Variants in GLDC observed in about 807,000 individuals in gnomAD.
GLDC encodes glycine dehydrogenase (decarboxylating), mitochondrial.
GLDC carries 104 observed loss-of-function variants against 121.3 expected under a neutral mutation model. The observed-to-expected ratio is 0.86, with a 90% CI of 0.73 to 1.01. The LOEUF (loss-of-function observed/expected upper bound fraction) is 1.01. Among genes scored for constraint, GLDC ranks in the 50% least tolerant of loss-of-function variants. GLDC has a pLI of 0.00. For synonymous variants in GLDC, 546 were observed against 480.6 expected (o/e 1.14, Z -1.78); for missense variants, 1,429 against 1,306.6 (o/e 1.09, Z -1.44).
chr9:6,609,073 C>G (rs1017994451), intron 4 of GLDC, among the ~76,000 whole-genome samples: 1 of 152,246 alleles, frequency 6.6e-6, no homozygotes, highest in Non-Finnish European at 1.5e-5. Context: ...GGGCTAGGAG[C>G]ACAAAACCTA....
chr9:6,538,988 A>G (rs952874972), intron 22 of GLDC, among the ~76,000 whole-genome samples: 1 of 152,092 alleles, frequency 6.6e-6, no homozygotes, highest in Non-Finnish European at 1.5e-5. Context: ...GAGAGGAGTG[A>G]GTCACACACA....
At chr9:6,606,442 G>C (rs970724743) in intron 5 of GLDC, 150 bp downstream of exon 5, 2 of 689,928 alleles carry the variant, frequency 2.9e-6, no homozygotes. Flanking sequence ...GAAAGTGAGA[G>C]GTAAGGCAAA....
rs769404917 is a variant in GLDC at position 6,556,260 on chromosome 9, A to G, written c.2095T>C (p.Tyr699His). 3 of 1,612,590 alleles carry G rather than the reference A, an allele frequency of 1.9e-6. No homozygotes were observed. The highest frequency in any genetic ancestry group is 3.3e-5 in the Admixed American group (2 of 59,996). Residue 699 changes from tyrosine to histidine, a missense_variant, in exon 18 of 25, where the codon TAC becomes CAC. Physicochemically the swap from Tyr to His is moderately conservative, Grantham distance 83 (BLOSUM62 2). Coordinates refer to ENST00000321612, the MANE Select transcript of GLDC (RefSeq NM_000170.3). Reference sequence around the variant, plus strand: ...TCAAACACCCCATTGGTGGATGGGTATGTAATCATGATAGCTGCTAGGTTC... The same window carrying G: ...TCAAACACCCCATTGGTGGATGGGTGTGTAATCATGATAGCTGCTAGGTTC... ...KENLAAIMITYPSTNGVFEEN... is the reference protein window; with the variant it reads ...KENLAAIMITHPSTNGVFEEN...
At chr9:6,606,916 T>A (rs1463367105) in intron 4 of GLDC, among the ~76,000 whole-genome samples, 2 of 151,786 alleles carry the variant, frequency 1.3e-5, no homozygotes, top group Non-Finnish European at 2.9e-5. Flanking sequence ...CTACTAAAAA[T>A]ACAAAATTAG....
At chr9:6,558,470 G>A in intron 17 of GLDC, 89 bp downstream of exon 17, 1 of 1,432,000 alleles carries the variant, frequency 7.0e-7, no homozygotes, top group South Asian at 1.1e-5. Flanking sequence ...GAATGCAAGA[G>A]AAGACATTTA....
At chr9:6,585,700 T>C (rs917201863) in intron 15 of GLDC, among the ~76,000 whole-genome samples, 1 of 152,216 alleles carries the variant, frequency 6.6e-6, no homozygotes, top group Non-Finnish European at 1.5e-5. Context: ...CTGAGGCTGC[T>C]GGTAGAGAAC....
intron 2 of GLDC, chr9:6,639,034 A>G (rs1238749500): frequency 7.0e-6 from 4 of 571,310 alleles, no homozygotes; most frequent in Non-Finnish European, 9.4e-6. Context: ...GTATATCCTC[A>G]GAGTGTCTTT....
At chr9:6,602,614 A>T (rs911772452) in intron 7 of GLDC, among the ~76,000 whole-genome samples, 3 of 152,088 alleles carry the variant, frequency 2.0e-5, no homozygotes, top group African/African-American at 7.2e-5. Context: ...TGGCCTCCCA[A>T]AGTGCTGGGA....
chr9:6,548,003 C>T (rs977085611), intron 21 of GLDC, among the ~76,000 whole-genome samples: 4 of 151,760 alleles, frequency 2.6e-5, no homozygotes, highest in Non-Finnish European at 4.4e-5. Context: ...CCAGGTGTGG[C>T]GGGTGTATGC....
chr9:6,534,916 A>AG lies in GLDC; in HGVS notation c.2839-129dup. On this transcript the variant is annotated intron_variant, in intron 23 of 24. Transcript: ENST00000321612. ...GAAAGCTGTTGTTTTCTTTCAATTTAGGGGGGTACAATGTGATTTATAATT... is the reference window on the plus strand; with the variant it reads ...GAAAGCTGTTGTTTTCTTTCAATTTAGGGGGGGTACAATGTGATTTATAATT... 7.2e-6 allele frequency: 5 copies of AG among 693,954 alleles called. No individual in the cohort carries two copies. The East Asian group carries it at 1.1e-4, about 15-fold the overall frequency. The allele number at this position is 693,954 out of a possible 1,614,324, so 43.0% of individuals were successfully genotyped here. A position where few individuals can be genotyped will look rare whatever the true frequency, so the allele number is the denominator to read the frequency against.
At chr9:6,561,573 C>A (rs148131223) in intron 16 of GLDC, among the ~76,000 whole-genome samples, 1 of 152,214 alleles carries the variant, frequency 6.6e-6, no homozygotes, top group Non-Finnish European at 1.5e-5. Flanking sequence ...CACTTGAACC[C>A]GGGAGGCGGA....
chr9:6,575,302 A>G (rs1307217768), intron 15 of GLDC, among the ~76,000 whole-genome samples: 1 of 152,046 alleles, frequency 6.6e-6, no homozygotes, highest in Non-Finnish European at 1.5e-5. Context: ...TGCAGTAGGT[A>G]GGGCATCTGT....
At chr9:6,571,172 TA>T (rs1016050870) in intron 15 of GLDC, among the ~76,000 whole-genome samples, 4 of 149,262 alleles carry the variant, frequency 2.7e-5, no homozygotes, top group South Asian at 2.1e-4. Flanking sequence ...CTACTTTTTT[TA>T]AAAAAAAAAG....
intron 2 of GLDC, among the ~76,000 whole-genome samples, chr9:6,628,275 T>A (rs1012917985): frequency 2.0e-5 from 3 of 152,188 alleles, no homozygotes; most frequent in African/African-American, 7.2e-5. Context: ...GAGAAGGTGA[T>A]TGTGCCATCC....
chr9:6,606,661 T>C lies in GLDC; in HGVS notation c.644A>G (p.Lys215Arg). The C allele has an allele frequency of 6.3e-7, 1 of 1,596,684 alleles. No individual in the cohort carries two copies. Among genetic ancestry groups the C allele is most frequent in the Non-Finnish European group, 8.6e-7 (1 of 1,164,580 alleles). Residue 215 changes from lysine to arginine, a missense_variant, in exon 5 of 25, where the codon AAG becomes AGG. By Grantham distance (26) the Lys-to-Arg change is conservative. Coordinates refer to ENST00000321612, the MANE Select transcript of GLDC (RefSeq NM_000170.3). ...GGGATCAACGAGAAATTTCCTCCTCTTGTTGTGTCTGTTGAAAAGAAAAAG... is the reference window on the plus strand; with the variant it reads ...GGGATCAACGAGAAATTTCCTCCTCCTGTTGTGTCTGTTGAAAAGAAAAAG... ...EALQLCYRHN[K>R]RRKFLVDPRC...
At chr9:6,553,641 G>T in intron 19 of GLDC, 132 bp from the exon 20 acceptor site, 5 of 819,534 alleles carry the variant, frequency 6.1e-6, no homozygotes, top group Non-Finnish European at 8.3e-6. Context: ...CTCTCCACCT[G>T]CTGGGAGGCA....
chr9:6,579,850 C>G (rs1321048173), intron 15 of GLDC, among the ~76,000 whole-genome samples: 1 of 152,158 alleles, frequency 6.6e-6, no homozygotes, highest in East Asian at 1.9e-4. Flanking sequence ...GTTGCTGGGT[C>G]CAGTGAAGTG....
intron 8 of GLDC, among the ~76,000 whole-genome samples, chr9:6,599,286 A>G (rs1483733578): frequency 1.3e-5 from 2 of 152,184 alleles, no homozygotes; most frequent in African/African-American, 4.8e-5. Flanking sequence ...GAGGCCCTAA[A>G]TGGACTTATG....
intron 15 of GLDC, among the ~76,000 whole-genome samples, chr9:6,583,417 G>C (rs778249873): frequency 1.3e-5 from 2 of 152,222 alleles, no homozygotes; most frequent in African/African-American, 2.4e-5. Flanking sequence ...GATCATGCTT[G>C]TAATCCCAGG....
Sources: gnomAD v4.1 joint callset for allele counts (sites outside exome capture counted in the v4.1 genomes callset) on GRCh38, gnomAD v4.1.1 for gene constraint, MANE v1.5 for transcripts, NCBI Gene and HGNC (gene_info 2026-07-23, HGNC 2026-07-21) for gene names.